SSX1: variants seen among roughly 807,000 people sequenced by gnomAD.
The protein encoded by SSX1 is SSX family member 1.
In SSX1, 58 loss-of-function variants were observed where a neutral mutation model predicts 14.6. The ratio of observed to expected loss-of-function variants is 3.96; its 90% CI spans 3.21 to 4.93. The LOEUF is 4.93. Among genes scored for constraint, SSX1 ranks in the 30% most tolerant of loss-of-function variants. SSX1 has a pLI of 0.00. For missense variants in SSX1, 272 were observed against 143.1 expected (o/e 1.90, Z -4.60); for synonymous variants, 46 against 52.1 (o/e 0.88, Z 0.50).
rs2059626371 is a variant in SSX1, at chrX:48,267,018, G to C, written c.*169G>C. ...ATTTTTCTTAGTGTGCCAAGAGTTC[G>C]ATGTTAGTGTTTCCATTGTATTTTC... is the stretch of plus-strand genomic sequence containing the variant. On this transcript the variant is annotated 3_prime_UTR_variant, in exon 8 of 8. Transcript: ENST00000376919. 2 of 544,663 alleles carry C rather than the reference G, an allele frequency of 3.7e-6. No homozygotes were observed. The highest frequency in any genetic ancestry group is 7.1e-5 in the East Asian group (2 of 28,282). 44.9% of individuals were successfully genotyped at this position (544,663 alleles called of 1,213,427 possible).
intron 2 of SSX1, 197 bp from the exon 3 acceptor site, chrX:48,257,549 G>A: frequency 2.7e-6 from 2 of 753,691 alleles, no homozygotes; most frequent in Non-Finnish European, 3.1e-6. Context: ...AAGAGAGCCA[G>A]ACAGCAGCAT....
intron 1 of SSX1, among the ~76,000 whole-genome samples, chrX:48,255,854 C>T (rs1206270428): frequency 1.9e-5 from 2 of 107,077 alleles, no homozygotes; most frequent in East Asian, 5.8e-4. Flanking sequence ...ATCCTTCCGC[C>T]TCGGCCCTGG....
chrX:48,265,979 T>A (rs192809844), intron 6 of SSX1, among the ~76,000 whole-genome samples: 1 of 111,945 alleles, frequency 8.9e-6, no homozygotes, highest in Non-Finnish European at 1.9e-5. Context: ...AAACAAGGTA[T>A]GCCTGTGTGC....
intron 5 of SSX1, among the ~76,000 whole-genome samples, chrX:48,262,568 G>C (rs1292799200): frequency 1.8e-5 from 2 of 110,932 alleles, no homozygotes; most frequent in African/African-American, 3.3e-5. Flanking sequence ...TCTGCACCTG[G>C]GGCATCCGAG....
chrX:48,265,671 G>A (rs1374388867), intron 6 of SSX1, among the ~76,000 whole-genome samples: 2 of 111,741 alleles, frequency 1.8e-5, no homozygotes, highest in Non-Finnish European at 3.8e-5. Flanking sequence ...TGTAACACAA[G>A]GATAAATGCT....
At position 48,263,872 on chromosome X, in the gene SSX1, C is replaced by A. The variant is rs1569452046; in HGVS notation, c.421C>A (p.Pro141Thr). ...GPQNDGKQLHPPGKANISEKI... is the reference protein window; with the variant it reads ...GPQNDGKQLHTPGKANISEKI... Reference sequence around the variant, plus strand: ...ACAAAACGATGGGAAACAACTGCACCCCCCAGGAAAAGCAAATATTTCTGA... The same window carrying A: ...ACAAAACGATGGGAAACAACTGCACACCCCAGGAAAAGCAAATATTTCTGA... The change falls in exon 6 of 8, where the codon CCC becomes ACC. Residue 141 changes from proline to threonine, a missense_variant. Transcript: ENST00000376919. 2 of 1,211,024 alleles carry A rather than the reference C, an allele frequency of 1.7e-6. No individual in the cohort carries two copies. Among genetic ancestry groups the A allele is most frequent in the Non-Finnish European group, 2.2e-6 (2 of 895,214 alleles).
At chrX:48,262,827 A>T (rs1206702647) in intron 5 of SSX1, among the ~76,000 whole-genome samples, 1 of 111,751 alleles carries the variant, frequency 8.9e-6, no homozygotes, top group Non-Finnish European at 1.9e-5. Flanking sequence ...TTCATAAGTG[A>T]GGAAGCTGAG....
chrX:48,262,575 C>G (rs1367863935), intron 5 of SSX1, among the ~76,000 whole-genome samples: 1 of 111,036 alleles, frequency 9.0e-6, no homozygotes, highest in Non-Finnish European at 1.9e-5. Flanking sequence ...CTGGGGCATC[C>G]GAGAAGCCCC....
At chrX:48,258,461 C>T (rs1473943610) in intron 3 of SSX1, 75 bp from the exon 4 acceptor site, 18 of 763,006 alleles carry the variant, frequency 2.4e-5, no homozygotes, top group Admixed American at 4.7e-5. Context: ...CCCAAAGTGC[C>T]GGTACTACAG....
At chrX:48,265,646 T>G (rs1391140925) in intron 6 of SSX1, among the ~76,000 whole-genome samples, 1 of 110,795 alleles carries the variant, frequency 9.0e-6, no homozygotes, top group Non-Finnish European at 1.9e-5. Flanking sequence ...ACGAAAAGAG[T>G]GTAATTGGAT....
rs1183825910 is a variant in SSX1, at chrX:48,258,638, A to C, written c.280+7A>C. ...CATAACCGCAGGATTCAGGGTGAGT[A>C]GATGGGAAGTGGCTGGAAAGGTCTC... is the stretch of plus-strand genomic sequence containing the variant. On this transcript the variant is annotated splice_region_variant and intron_variant, in intron 4 of 7. Coordinates refer to ENST00000376919, the MANE Select transcript of SSX1 (RefSeq NM_005635.4). 9.3e-6 allele frequency: 11 copies of C among 1,180,503 alleles called. No homozygotes were observed. Among genetic ancestry groups the C allele is most frequent in the Admixed American group, 4.4e-5 (2 of 45,427 alleles).
chrX:48,266,050 G>A (rs1233112524), intron 6 of SSX1, among the ~76,000 whole-genome samples: 1 of 111,895 alleles, frequency 8.9e-6, no homozygotes, highest in Admixed American at 9.5e-5. Context: ...AAGTGAAGAG[G>A]TTGGTAATCT....
rs2059627219 is a variant in SSX1 at position 48,267,201 on chromosome X, T to A, written c.*352T>A. Reference sequence around the variant, plus strand: ...AGCACTATCCTCATCTCTCCCCAGATGTGACTACTGAGGGCAGTTCTGAGT... The same window carrying A: ...AGCACTATCCTCATCTCTCCCCAGAAGTGACTACTGAGGGCAGTTCTGAGT... On this transcript the variant is annotated 3_prime_UTR_variant, in exon 8 of 8. Transcript: ENST00000376919. 7 of 309,912 alleles carry A rather than the reference T, an allele frequency of 2.3e-5. No individual in the cohort carries two copies. The highest frequency in any genetic ancestry group is 2.3e-5 in the Non-Finnish European group (4 of 173,686). 25.5% of individuals were successfully genotyped at this position (309,912 alleles called of 1,213,427 possible).
intron 3 of SSX1, among the ~76,000 whole-genome samples, chrX:48,258,331 T>C (rs2059591307): frequency 9.3e-6 from 1 of 107,660 alleles, no homozygotes; most frequent in African/African-American, 3.4e-5. Context: ...GCTGAGGATA[T>C]GAGCACATGC....
At chrX:48,260,771 C>A (rs190532772) in intron 4 of SSX1, among the ~76,000 whole-genome samples, 1 of 88,084 alleles carries the variant, frequency 1.1e-5, no homozygotes, top group African/African-American at 4.0e-5. Context: ...ACAGTTAAGA[C>A]AATTTTAAAA....
intron 1 of SSX1, 94 bp from the exon 2 acceptor site, chrX:48,257,128 C>G (rs1556934480): frequency 1.1e-5 from 9 of 810,746 alleles, no homozygotes; most frequent in Non-Finnish European, 1.6e-5. Flanking sequence ...ACCCCTAATT[C>G]CAGGTGACTG....
chrX:48,259,063 C>G (rs1275270256), intron 4 of SSX1, among the ~76,000 whole-genome samples: 1 of 111,225 alleles, frequency 9.0e-6, no homozygotes, highest in Non-Finnish European at 1.9e-5. Flanking sequence ...ATGGCACAGT[C>G]TCAGCCCACT....
chrX:48,256,752 CAACAG>C (rs1338266155), intron 1 of SSX1, among the ~76,000 whole-genome samples: 1 of 84,567 alleles, frequency 1.2e-5, no homozygotes, highest in Non-Finnish European at 2.5e-5. Flanking sequence ...CATTTCTCTT[CAACAG>C]AACAGAACCC....
intron 6 of SSX1, 119 bp downstream of exon 6, chrX:48,264,036 C>T: frequency 2.8e-6 from 3 of 1,088,782 alleles, no homozygotes; most frequent in Non-Finnish European, 2.4e-6. Flanking sequence ...CTGAAGAGCT[C>T]GCCCAGCTCC....
Sources: gnomAD v4.1 joint callset for allele counts (sites outside exome capture counted in the v4.1 genomes callset) on GRCh38, gnomAD v4.1.1 for gene constraint, MANE v1.5 for transcripts, NCBI Gene and HGNC (gene_info 2026-07-23, HGNC 2026-07-21) for gene names.